FRY: variants seen among roughly 807,000 people sequenced by gnomAD.
FRY encodes the protein protein furry homolog.
Under a neutral mutation model 348.4 loss-of-function variants are expected in FRY, and 128 were observed. The observed-to-expected ratio is 0.37, with a 90% CI of 0.32 to 0.43. The LOEUF is 0.43. Ranked by LOEUF, FRY falls within the 20% of genes least tolerant of loss-of-function variation. The probability of loss-of-function intolerance (pLI) is 1.00; values close to 1 mark genes in which losing one functional copy is unlikely to be tolerated. For synonymous variants in FRY, 1,370 were observed against 1,374.7 expected (o/e 1.00, Z 0.08); for missense variants, 2,736 against 3,695.2 (o/e 0.74, Z 6.73).
At chr13:32,144,183 C>T (rs1349534136) in intron 11 of FRY, among the ~76,000 whole-genome samples, 1 of 150,418 alleles carries the variant, frequency 6.6e-6, no homozygotes, top group Admixed American at 6.6e-5. Flanking sequence ...ACAAATTTTA[C>T]CTGTTATATT....
At chr13:32,278,256 C>A (rs1888634402) in intron 57 of FRY, among the ~76,000 whole-genome samples, 1 of 152,160 alleles carries the variant, frequency 6.6e-6, no homozygotes, top group African/African-American at 2.4e-5. Context: ...TTTTAGATGA[C>A]CATTACTGAA....
intron 11 of FRY, among the ~76,000 whole-genome samples, chr13:32,145,128 A>T (rs958493838): frequency 6.6e-6 from 1 of 152,200 alleles, no homozygotes; most frequent in Admixed American, 6.5e-5. Flanking sequence ...GCGGGAGAGT[A>T]ACAGGATGGG....
Position 32,098,179 on chromosome 13 carries a change from T to C in FRY, c.271-3784T>C, listed in dbSNP as rs527481142. Among the ~76,000 whole-genome samples, 3 of 152,238 alleles carry C rather than the reference T, an allele frequency of 2.0e-5. No individual in the cohort carries two copies. The South Asian group carries it at 6.2e-4, about 32-fold the overall frequency. On this transcript the variant is annotated intron_variant, in intron 2 of 60. Coordinates refer to ENST00000542859, the MANE Select transcript of FRY (RefSeq NM_023037.3). ...AAAATATACAGGTTCAAAATGTGTA[T>C]TCATCTAAAATACAGAGAATACTGT... is the stretch of plus-strand genomic sequence containing the variant.
Position 32,187,565 on chromosome 13 carries a change from G to A in FRY, c.3500G>A (p.Cys1167Tyr). 6.2e-7 allele frequency: 1 copy of A among 1,608,146 alleles called. No individual in the cohort carries two copies. The change falls in exon 28 of 61, where the codon TGC becomes TAC. Residue 1167 changes from cysteine (C) to tyrosine (Y), a missense_variant. This residue lies in a region of FRY where 33 missense variants were observed against 86.7 expected (regional missense o/e 0.38). Coordinates refer to ENST00000542859, the MANE Select transcript of FRY (RefSeq NM_023037.3). ...CALKAMSAVLCCGPVFDNVGL... is the reference protein window; with the variant it reads ...CALKAMSAVLYCGPVFDNVGL... ...CATCAGGCAATGTCAGCAGTACTGT[G>A]CTGTGGCCCTGTCTTTGACAATGTG...
rs369353176 is a variant in FRY, at chr13:32,231,249, C to T, written c.5476C>T (p.Leu1826Phe). The change falls in exon 41 of 61, where the codon CTC becomes TTC. Residue 1826 changes from leucine (L) to phenylalanine (F), a missense_variant. By Grantham distance (22) the Leu-to-Phe change is conservative. Around this residue, in one of 9 missense-constraint regions of FRY, gnomAD observed 794 missense variants for 977.0 expected, o/e 0.81. Coordinates refer to ENST00000542859, the MANE Select transcript of FRY (RefSeq NM_023037.3). ...TCAAAATTCAAAGAGTGCTGAACAG[C>T]TCACTAATTTTCTACGTCACGTTGT... Reference protein sequence around the residue: ...KNQNSKSAEQLTNFLRHVVSV... With the variant: ...KNQNSKSAEQFTNFLRHVVSV... 1.9e-6 allele frequency: 3 copies of T among 1,612,594 alleles called. No individual in the cohort carries two copies. The highest frequency in any genetic ancestry group is 2.5e-6 in the Non-Finnish European group (3 of 1,178,768).
chr13:32,053,498 C>T (rs1873453125), intron 1 of FRY, among the ~76,000 whole-genome samples: 1 of 152,210 alleles, frequency 6.6e-6, no homozygotes, highest in African/African-American at 2.4e-5. Context: ...CTGACTTCAT[C>T]GTCTTTGCAG....
At chr13:32,282,993 G>T (rs962908549) in intron 58 of FRY, among the ~76,000 whole-genome samples, 31 of 151,862 alleles carry the variant, frequency 2.0e-4, no homozygotes, top group African/African-American at 7.5e-4. Context: ...ATACAAAAAT[G>T]AGCCGGGCAC....
At chr13:32,241,700 A>T (rs937016184) in intron 46 of FRY, among the ~76,000 whole-genome samples, 3 of 152,238 alleles carry the variant, frequency 2.0e-5, no homozygotes, top group Admixed American at 6.5e-5. Flanking sequence ...GTACTCTGGC[A>T]GTCTGGAAAG....
chr13:32,236,632 A>G (rs1029236892), intron 43 of FRY, among the ~76,000 whole-genome samples: 3 of 152,158 alleles, frequency 2.0e-5, no homozygotes, highest in Non-Finnish European at 4.4e-5. Context: ...CTACCTCAGT[A>G]TCTTTTTTTT....
chr13:32,091,891 C>CA (rs1478777251), intron 2 of FRY, among the ~76,000 whole-genome samples: 3 of 152,210 alleles, frequency 2.0e-5, no homozygotes, highest in African/African-American at 7.2e-5. Flanking sequence ...GATTCAAACT[C>CA]AGGTCTCTCA....
intron 58 of FRY, among the ~76,000 whole-genome samples, chr13:32,282,014 G>A (rs916717666): frequency 6.6e-6 from 1 of 152,150 alleles, no homozygotes; most frequent in East Asian, 1.9e-4. Context: ...CGACAAGGCC[G>A]GAAATGGGCT....
chr13:32,073,149 A>G (rs150986415), intron 1 of FRY, among the ~76,000 whole-genome samples: 240 of 152,318 alleles, frequency 1.6e-3, no homozygotes, highest in African/African-American at 5.7e-3. Flanking sequence ...GTTGGTGAAA[A>G]AGCAGGCCAA....
At chr13:32,133,752 C>CT (rs1269194647) in intron 8 of FRY, among the ~76,000 whole-genome samples, 2 of 114,824 alleles carry the variant, frequency 1.7e-5, no homozygotes, top group Admixed American at 8.8e-5. Context: ...TCTTTCTTTT[C>CT]TTTCTTTCTT....
chr13:32,231,321 A>G (rs1885900930), intron 41 of FRY, 21 bp downstream of exon 41: 1 of 1,610,936 alleles, frequency 6.2e-7, no homozygotes, highest in Non-Finnish European at 8.5e-7. Flanking sequence ...TTATTTGCAC[A>G]GATCCCTCTT....
intron 2 of FRY, among the ~76,000 whole-genome samples, chr13:32,083,512 A>C (rs1214830892): frequency 1.3e-5 from 2 of 152,014 alleles, no homozygotes; most frequent in African/African-American, 4.8e-5. Context: ...GAATTCTTTC[A>C]TTGAGCCTCT....
chr13:32,152,038 A>G (rs981006845), intron 14 of FRY, among the ~76,000 whole-genome samples: 1 of 152,210 alleles, frequency 6.6e-6, no homozygotes, highest in Non-Finnish European at 1.5e-5. Context: ...AATACTTAGC[A>G]CTAAAGCTGA....
chr13:32,167,685 G>A (rs1229779343), intron 17 of FRY, among the ~76,000 whole-genome samples: 1 of 152,206 alleles, frequency 6.6e-6, no homozygotes, highest in Non-Finnish European at 1.5e-5. Flanking sequence ...CATTTATGTA[G>A]TGTCTGCAAT....
intron 1 of FRY, among the ~76,000 whole-genome samples, chr13:32,059,351 G>A (rs1468576849): frequency 6.7e-6 from 1 of 149,956 alleles, no homozygotes; most frequent in Non-Finnish European, 1.5e-5. Context: ...TAATCAACAT[G>A]GATTTATTTG....
intron 31 of FRY, among the ~76,000 whole-genome samples, chr13:32,206,172 G>A (rs1884337790): frequency 6.6e-6 from 1 of 152,094 alleles, no homozygotes; most frequent in African/African-American, 2.4e-5. Flanking sequence ...AGAGCCACGG[G>A]CATGGATGAG....
Sources: gnomAD v4.1 joint callset for allele counts (sites outside exome capture counted in the v4.1 genomes callset) on GRCh38, gnomAD v4.1.1 for gene constraint, gnomAD v4.1.1 regional missense constraint, MANE v1.5 for transcripts, NCBI Gene and HGNC (gene_info 2026-07-23, HGNC 2026-07-21) for gene names.